PMM2: variants seen among roughly 807,000 people sequenced by gnomAD.
The protein encoded by PMM2 is phosphomannomutase 2.
PMM2 carries 35 observed loss-of-function variants against 33.2 expected under a neutral mutation model. The observed-to-expected ratio is 1.06, with a 90% confidence interval of 0.81 to 1.40. PMM2 has a LOEUF of 1.40. Ranked by LOEUF, PMM2 falls within the 40% of genes most tolerant of loss-of-function variation. The pLI is 0.00. For missense variants in PMM2, 386 were observed against 306.0 expected (o/e 1.26, Z -1.95); for synonymous variants, 153 against 114.7 (o/e 1.33, Z -2.13).
chr16:8,820,830 G>A (rs1485095668), intron 7 of PMM2, among the ~76,000 whole-genome samples: 1 of 152,200 alleles, frequency 6.6e-6, no homozygotes, highest in East Asian at 1.9e-4. Flanking sequence ...ATCTGTTATT[G>A]AGATTTTCCT....
At chr16:8,820,353 T>TC (rs1439822006) in intron 7 of PMM2, among the ~76,000 whole-genome samples, 2 of 108,766 alleles carry the variant, frequency 1.8e-5, no homozygotes, top group African/African-American at 6.2e-5. Flanking sequence ...CAGTTCTTCT[T>TC]TTTTTTTTTT....
At chr16:8,828,080 C>G (rs2141035055) in intron 7 of PMM2, among the ~76,000 whole-genome samples, 1 of 116,180 alleles carries the variant, frequency 8.6e-6, no homozygotes, top group South Asian at 2.8e-4. Context: ...TTACCAGACT[C>G]TAGCCAGGAT....
chr16:8,812,347 G>A (rs531445061), intron 6 of PMM2, among the ~76,000 whole-genome samples: 12 of 152,156 alleles, frequency 7.9e-5, no homozygotes, highest in Non-Finnish European at 5.9e-5. Flanking sequence ...TTTGCACACC[G>A]ATTTCTCTTG....
rs570954189 is a variant in PMM2, at chr16:8,805,966, C to T, written c.256-350C>T. ...ATTCTATTCAGACATAAGAGAATGC[C>T]GAAGTGGAACAAATATATTGTCTGT... On this transcript the variant is annotated intron_variant, in intron 3 of 7. Transcript: ENST00000268261. Among the ~76,000 whole-genome samples, 28 of 152,076 alleles carry T rather than the reference C, an allele frequency of 1.8e-4. No individual in the cohort carries two copies. The South Asian group carries it at 3.1e-3, about 17-fold the overall frequency.
chr16:8,825,563 G>A (rs1453770871), intron 7 of PMM2, among the ~76,000 whole-genome samples: 12 of 150,580 alleles, frequency 8.0e-5, no homozygotes, highest in African/African-American at 9.8e-5. Context: ...CCACGTGATC[G>A]CCCACCTCAG....
intron 7 of PMM2, among the ~76,000 whole-genome samples, chr16:8,839,568 G>C (rs1339119606): frequency 6.6e-6 from 1 of 152,084 alleles, no homozygotes; most frequent in Non-Finnish European, 1.5e-5. Context: ...GGAAGAGTCT[G>C]ATGAGCAAGG....
At chr16:8,821,785 T>C (rs1449491672) in intron 7 of PMM2, among the ~76,000 whole-genome samples, 80 of 152,236 alleles carry the variant, frequency 5.3e-4, no homozygotes, top group Admixed American at 5.2e-3. Flanking sequence ...TGCTCAGCCC[T>C]GGATATATAT....
At chr16:8,818,715 A>AAGTGTGGCGTTGGCCGTTGCTTTT (rs2060721127) in intron 7 of PMM2, among the ~76,000 whole-genome samples, 1 of 149,842 alleles carries the variant, frequency 6.7e-6, no homozygotes, top group Admixed American at 6.6e-5. Context: ...CAGAGTGAGG[A>AAGTGTGGCGTTGGCCGTTGCTTTT]AGTGTGGCGT....
At chr16:8,818,141 A>T (rs931649159) in intron 7 of PMM2, among the ~76,000 whole-genome samples, 2 of 152,132 alleles carry the variant, frequency 1.3e-5, no homozygotes, top group Non-Finnish European at 1.5e-5. Flanking sequence ...TGACCTCGTG[A>T]TCCGTCCGCC....
rs773232556 is a variant in PMM2, at chr16:8,847,827, G to A, written c.*2G>A. On this transcript the variant is annotated 3_prime_UTR_variant, in exon 8 of 8. Transcript: ENST00000268261. Reference sequence around the variant, plus strand: ...ATCTGTGAACTGCTGTTCTCCTAACGTGGGAGCGGGAGGGGCGGGGTCCCG... The same window carrying A: ...ATCTGTGAACTGCTGTTCTCCTAACATGGGAGCGGGAGGGGCGGGGTCCCG... 159 of 1,608,656 alleles carry A rather than the reference G, an allele frequency of 9.9e-5. No individual in the cohort carries two copies. The highest frequency in any genetic ancestry group is 1.7e-4 in the Middle Eastern group (1 of 6,060).
rs547002464 is a variant in PMM2 at position 8,840,098 on chromosome 16, A to G, written c.640-7626A>G. Among the ~76,000 whole-genome samples the G allele has an allele frequency of 2.6e-5, 4 of 151,830 alleles. No homozygotes were observed. In the South Asian group the frequency reaches 8.3e-4, roughly 32 times the overall value. On this transcript the variant is annotated intron_variant, in intron 7 of 7. Coordinates refer to ENST00000268261, the MANE Select transcript of PMM2 (RefSeq NM_000303.3). Reference sequence around the variant, plus strand: ...GACAGCTGTGTAGGCACTGGAAGAAAGGGAAATGCAAAGCCAGCAGTTGTT... The same window carrying G: ...GACAGCTGTGTAGGCACTGGAAGAAGGGGAAATGCAAAGCCAGCAGTTGTT...
chr16:8,839,920 G>A (rs61055182), intron 7 of PMM2, among the ~76,000 whole-genome samples: 18 of 144,914 alleles, frequency 1.2e-4, no homozygotes, highest in East Asian at 1.0e-3. Context: ...GAAGGAGGGC[G>A]GCAGCTTGCT....
intron 2 of PMM2, among the ~76,000 whole-genome samples, chr16:8,802,690 C>T (rs1023520934): frequency 2.0e-5 from 3 of 151,938 alleles, no homozygotes; most frequent in East Asian, 1.9e-4. Flanking sequence ...ATGAGCTGGG[C>T]GTGATGACGG....
chr16:8,797,919 G>A lies in PMM2; in HGVS notation c.37G>A (p.Val13Met). The change falls in exon 1 of 8, where the codon GTG (valine) becomes ATG (methionine). Residue 13 changes from valine to methionine, a missense_variant. Val to Met is a conservative substitution (Grantham distance 21, BLOSUM62 1). Coordinates refer to ENST00000268261, the MANE Select transcript of PMM2 (RefSeq NM_000303.3). Reference protein sequence around the residue: ...APGPALCLFDVDGTLTAPRQK... With the variant: ...APGPALCLFDMDGTLTAPRQK... ...TGGCCCAGCGCTCTGCCTCTTCGAC[G>A]TGGATGGGACCCTCACCGCCCCGCG... 1 of 1,610,660 alleles carries A rather than the reference G, an allele frequency of 6.2e-7. No homozygotes were observed. Among genetic ancestry groups the A allele is most frequent in the Non-Finnish European group, 8.5e-7 (1 of 1,178,928 alleles).
At chr16:8,832,983 G>A (rs1483869004) in intron 7 of PMM2, 14 of 496,802 alleles carry the variant, frequency 2.8e-5, no homozygotes, top group Non-Finnish European at 3.2e-5. Context: ...CAGCTGTGAT[G>A]TGGTTTTGGT....
chr16:8,847,636 T>G (rs2060935842), intron 7 of PMM2, 88 bp from the exon 8 acceptor site: 1 of 935,404 alleles, frequency 1.1e-6, no homozygotes, highest in African/African-American at 1.6e-5. Flanking sequence ...AATCTTGTTT[T>G]TTGGGTACTT....
rs1343161886 is a variant in PMM2, at chr16:8,804,785, ATG to A, written c.201_202del (p.Phe68SerfsTer16). 1 of 1,612,886 alleles carries A rather than the reference ATG, an allele frequency of 6.2e-7. No individual in the cohort carries two copies. Among genetic ancestry groups the A allele is most frequent in the Admixed American group, 1.7e-5 (1 of 60,010 alleles). On this transcript the variant is annotated frameshift_variant, in exon 3 of 8. Coordinates refer to ENST00000268261, the MANE Select transcript of PMM2 (RefSeq NM_000303.3). LOFTEE classifies it high-confidence loss of function. ...ATTGTAGTGGTTGAAAAATACGATTATGTGTTTCCAGAAAATGGCTTGGTAGC... is the reference window on the plus strand; with the variant it reads ...ATTGTAGTGGTTGAAAAATACGATTATGTTTCCAGAAAATGGCTTGGTAGC...
intron 7 of PMM2, among the ~76,000 whole-genome samples, chr16:8,833,410 A>G (rs1472946717): frequency 1.3e-5 from 2 of 152,162 alleles, no homozygotes; most frequent in Admixed American, 6.6e-5. Flanking sequence ...GGCCATCTGG[A>G]TGTATACGTG....
rs773132142 is a variant in PMM2, at chr16:8,811,732, G to A, written c.523+19G>A. 1.9e-6 allele frequency: 3 copies of A among 1,561,182 alleles called. No homozygotes were observed. Among genetic ancestry groups the A allele is most frequent in the African/African-American group, 1.4e-5 (1 of 73,766 alleles). ...TCCATAGGTATTGTATATATTGCCTGTGTTCCAAACTTGGATACCCATTTC... is the reference window on the plus strand; with the variant it reads ...TCCATAGGTATTGTATATATTGCCTATGTTCCAAACTTGGATACCCATTTC... On this transcript the variant is annotated intron_variant, in intron 6 of 7. Transcript: ENST00000268261.
Sources: gnomAD v4.1 joint callset for allele counts (sites outside exome capture counted in the v4.1 genomes callset) on GRCh38, gnomAD v4.1.1 for gene constraint, MANE v1.5 for transcripts, NCBI Gene and HGNC (gene_info 2026-07-23, HGNC 2026-07-21) for gene names.